The following SIN3A variants were observed in gnomAD, a reference collection of about 807,000 sequenced individuals.
SIN3A encodes the protein paired amphipathic helix protein Sin3a.
A neutral mutation model predicts 146.1 loss-of-function variants in SIN3A; 14 were observed. The ratio of observed to expected loss-of-function variants is 0.10; its 90% CI spans 0.06 to 0.15. The LOEUF (loss-of-function observed/expected upper bound fraction) is 0.15. SIN3A is among the 10% of genes least tolerant of loss of function. The pLI, the probability that SIN3A is intolerant of heterozygous loss-of-function variation, is 1.00. For synonymous variants in SIN3A, 572 were observed against 572.0 expected (o/e 1.00, Z 0.00); for missense variants, 1,028 against 1,576.0 (o/e 0.65, Z 5.89).
intron 1 of SIN3A, chr15:75,443,828 T>C (rs1248775760): frequency 6.6e-6 from 1 of 152,242 alleles, no homozygotes; most frequent in East Asian, 1.9e-4. Context: ...GGATGATCAC[T>C]TGAGCCCAGA....
chr15:75,452,620 G>A (rs1249969864), upstream of SIN3A, among the ~76,000 whole-genome samples: 3 of 152,236 alleles, frequency 2.0e-5, no homozygotes, highest in Non-Finnish European at 4.4e-5. Flanking sequence ...AGCTGAATAT[G>A]CAGTCCTAAG....
At chr15:75,382,316 A>C (rs1484081279) in intron 17 of SIN3A, among the ~76,000 whole-genome samples, 1 of 152,238 alleles carries the variant, frequency 6.6e-6, no homozygotes, top group Non-Finnish European at 1.5e-5. Flanking sequence ...ACAACCTGAC[A>C]ATAACATAAT....
intron 2 of SIN3A, among the ~76,000 whole-genome samples, chr15:75,423,082 A>C (rs566811942): frequency 6.6e-6 from 1 of 152,126 alleles, no homozygotes; most frequent in Admixed American, 6.5e-5. Context: ...AAGAGAAAAG[A>C]AAGCCTGGGC....
chr15:75,427,614 T>G (rs2073947542), intron 2 of SIN3A, among the ~76,000 whole-genome samples: 1 of 151,176 alleles, frequency 6.6e-6, no homozygotes, highest in Admixed American at 6.6e-5. Flanking sequence ...GAGCCAAGAC[T>G]GAACCATTGC....
In SIN3A at chr15:75,371,624, G is replaced by A; in HGVS notation, c.*355C>T. 1 of 232,024 alleles carries A rather than the reference G, an allele frequency of 4.3e-6. No individual in the cohort carries two copies. The highest frequency in any genetic ancestry group is 1.3e-4 in the South Asian group (1 of 7,948). 14.4% of individuals were successfully genotyped at this position (232,024 alleles called of 1,614,324 possible). A position where few individuals can be genotyped will look rare whatever the true frequency, so the allele number is the denominator to read the frequency against. On this transcript the variant is annotated 3_prime_UTR_variant, in exon 21 of 21. Coordinates refer to ENST00000394947, the MANE Select transcript of SIN3A (RefSeq NM_001145358.2). Reference sequence around the variant, plus strand: ...TCTCCATCCAGTCAAAGTGTGAACAGCATCCGGTTCCCTCATTGAAAGTTA... The same window carrying A: ...TCTCCATCCAGTCAAAGTGTGAACAACATCCGGTTCCCTCATTGAAAGTTA...
chr15:75,381,566 C>T (rs1567316921), intron 18 of SIN3A, 47 bp downstream of exon 18: 9 of 1,436,034 alleles, frequency 6.3e-6, no homozygotes, highest in Admixed American at 3.5e-5. Context: ...TCTCAAGGCA[C>T]GCCAGCTCTG....
chr15:75,384,568 G>T, intron 16 of SIN3A, 131 bp from the exon 17 acceptor site: 1 of 351,268 alleles, frequency 2.8e-6, no homozygotes, highest in Non-Finnish European at 5.1e-6. Context: ...GGGGGGTGCT[G>T]GCAATTTTAG....
At chr15:75,404,434 T>G (rs953285438) in intron 9 of SIN3A, among the ~76,000 whole-genome samples, 1 of 152,168 alleles carries the variant, frequency 6.6e-6, no homozygotes, top group African/African-American at 2.4e-5. Context: ...CATCTAGATA[T>G]AGTATATATG....
chr15:75,422,430 T>C (rs2073854951), intron 3 of SIN3A: 5 of 623,998 alleles, frequency 8.0e-6, no homozygotes, highest in Non-Finnish European at 1.4e-5. Flanking sequence ...CATGCATTCA[T>C]ACAGTCCACA....
Position 75,411,692 on chromosome 15 carries a change from G to C in SIN3A, c.808C>G (p.Pro270Ala), listed in dbSNP as rs749431910. 2.6e-5 allele frequency: 42 copies of C among 1,613,180 alleles called. No individual in the cohort carries two copies. The Admixed American group carries it at 6.8e-4, about 26-fold the overall frequency. The change falls in exon 6 of 21, where the codon CCA becomes GCA. Residue 270 changes from proline to alanine, a missense_variant. Physicochemically the swap from Pro to Ala is conservative, Grantham distance 27. This residue lies in a region of SIN3A where 112 missense variants were observed against 135.7 expected (regional missense o/e 0.83). Transcript: ENST00000394947. ...GGAGAACGTGGGGATGCATACGGTGGAAGTGGGGGAGTCTGCTGACTGGCC... is the reference window on the plus strand; with the variant it reads ...GGAGAACGTGGGGATGCATACGGTGCAAGTGGGGGAGTCTGCTGACTGGCC... ...TPASQQTPPL[P>A]PYASPRSPPV... is the part of the protein sequence containing the mutation.
Position 75,411,696 on chromosome 15 carries a change from T to C in SIN3A, c.804A>G (p.Pro268=). The C allele has an allele frequency of 6.2e-7, 1 of 1,612,674 alleles. No individual in the cohort carries two copies. Among genetic ancestry groups the C allele is most frequent in the East Asian group, 2.2e-5 (1 of 44,846 alleles). The change falls in exon 6 of 21, where the codon CCA becomes CCG. Residue 268 remains proline, a synonymous_variant. Coordinates refer to ENST00000394947, the MANE Select transcript of SIN3A (RefSeq NM_001145358.2). Reference sequence around the variant, plus strand: ...AACGTGGGGATGCATACGGTGGAAGTGGGGGAGTCTGCTGACTGGCCGGAG... The same window carrying C: ...AACGTGGGGATGCATACGGTGGAAGCGGGGGAGTCTGCTGACTGGCCGGAG... ...AHTPASQQTP[P]LPPYASPRSP...
upstream of SIN3A, among the ~76,000 whole-genome samples, chr15:75,454,365 G>A (rs2074457202): frequency 6.6e-6 from 1 of 152,100 alleles, no homozygotes; most frequent in Non-Finnish European, 1.5e-5. Context: ...TCCCCTGCAG[G>A]CGGGTTGCAC....
intron 5 of SIN3A, among the ~76,000 whole-genome samples, chr15:75,412,484 CAA>C (rs2073659342): frequency 6.6e-6 from 1 of 152,208 alleles, no homozygotes; most frequent in African/African-American, 2.4e-5. Flanking sequence ...TACTACTACA[CAA>C]AGTCACCACC....
intron 1 of SIN3A, among the ~76,000 whole-genome samples, chr15:75,444,373 G>A (rs1279817154): frequency 1.3e-5 from 2 of 152,206 alleles, no homozygotes; most frequent in Admixed American, 6.5e-5. Context: ...CCCAGGAGGC[G>A]GAGGTTGCAG....
chr15:75,390,139 G>A (rs74947390), intron 15 of SIN3A, among the ~76,000 whole-genome samples: 4,023 of 152,238 alleles, frequency 0.026, 93 homozygotes, highest in Middle Eastern at 0.058. Flanking sequence ...GTCCTTCAAA[G>A]AGCTGTTGGC....
chr15:75,410,073 G>GT lies in SIN3A; in HGVS notation c.1161+60dup, dbSNP rs1396261548. ...TAGGAAAAGTCCCCTTCTGAGCACA[G>GT]TTTTCCAACTCATCTAAGATAATAA... On this transcript the variant is annotated intron_variant, in intron 7 of 20. Transcript: ENST00000394947. 5.0e-6 allele frequency: 8 copies of GT among 1,602,892 alleles called. No homozygotes were observed. In the Admixed American group the frequency reaches 1.4e-4, roughly 27 times the overall value.
chr15:75,431,490 G>C (rs2074013448), intron 1 of SIN3A, among the ~76,000 whole-genome samples: 2 of 152,082 alleles, frequency 1.3e-5, no homozygotes, highest in Middle Eastern at 6.8e-3. Flanking sequence ...CCATCAGTGA[G>C]AAAGAATGAA....
chr15:75,435,811 T>C (rs562877025), intron 1 of SIN3A, among the ~76,000 whole-genome samples: 8 of 152,118 alleles, frequency 5.3e-5, no homozygotes, highest in African/African-American at 1.7e-4. Context: ...TACATTTCAT[T>C]GTATGTAAAA....
In SIN3A at chr15:75,401,948, G is replaced by A; in HGVS notation, c.1430C>T (p.Ala477Val). 1 of 1,612,606 alleles carries A rather than the reference G, an allele frequency of 6.2e-7. No homozygotes were observed. The highest frequency in any genetic ancestry group is 8.5e-7 in the Non-Finnish European group (1 of 1,178,710). Residue 477 changes from alanine (A) to valine (V), a missense_variant, in exon 10 of 21, where the codon GCA becomes GTA. Coordinates refer to ENST00000394947, the MANE Select transcript of SIN3A (RefSeq NM_001145358.2). ...GCGTAGGAAATTTTCGTAGGCTTCT[G>A]CACTCCGAAGAGCCTTTCGGACCTT... Reference protein sequence around the residue: ...FDKVRKALRSAEAYENFLRCL... With the variant: ...FDKVRKALRSVEAYENFLRCL...
Sources: allele counts gnomAD v4.1 joint callset (sites outside exome capture counted in the v4.1 genomes callset), GRCh38; gene constraint gnomAD v4.1.1; regional missense constraint gnomAD v4.1.1; transcripts MANE v1.5; gene names NCBI Gene and HGNC (gene_info 2026-07-23, HGNC 2026-07-21).